CNTLN: variants seen among roughly 807,000 people sequenced by gnomAD.
CNTLN encodes centlein, centrosomal protein.
In CNTLN, 212 loss-of-function variants were observed where a neutral mutation model predicts 180.0. The observed-to-expected ratio is 1.18, with a 90% CI of 1.05 to 1.32. The LOEUF is 1.32. Ranked by LOEUF, CNTLN falls within the 40% of genes most tolerant of loss-of-function variation. CNTLN has a pLI of 0.00. For synonymous variants in CNTLN, 722 were observed against 563.1 expected, an observed-to-expected ratio of 1.28 and a Z score of -3.99; for missense variants, 2,095 against 1,610.9, an observed-to-expected ratio of 1.30 and a Z score of -5.14.
chr9:17,214,259 A>G (rs1587182742), intron 2 of CNTLN, among the ~76,000 whole-genome samples: 1 of 152,118 alleles, frequency 6.6e-6, no homozygotes, highest in Non-Finnish European at 1.5e-5. Flanking sequence ...GGTGGTGACA[A>G]AATCTCTCAG....
chr9:17,469,926 A>G (rs1231958963), intron 23 of CNTLN, among the ~76,000 whole-genome samples: 1 of 151,900 alleles, frequency 6.6e-6, no homozygotes, highest in Admixed American at 6.6e-5. Context: ...ATGGAACATA[A>G]GCGAAGTGAG....
intron 10 of CNTLN, among the ~76,000 whole-genome samples, chr9:17,337,170 T>C (rs1821105341): frequency 6.6e-6 from 1 of 152,188 alleles, no homozygotes; most frequent in African/African-American, 2.4e-5. Flanking sequence ...GTTTTTTTCT[T>C]GTAAATTTGT....
At chr9:17,301,517 C>G in intron 7 of CNTLN, 1 of 984,698 alleles carries the variant, frequency 1.0e-6, no homozygotes, top group Non-Finnish European at 1.2e-6. Flanking sequence ...TATCATTTTT[C>G]TTTTATTTTT....
intron 18 of CNTLN, among the ~76,000 whole-genome samples, chr9:17,421,462 A>G (rs1397594615): frequency 6.6e-6 from 1 of 151,906 alleles, no homozygotes; most frequent in Admixed American, 6.6e-5. Context: ...GTGCATCTTT[A>G]TAGGTGAAAT....
At chr9:17,329,531 A>G (rs568892930) in intron 8 of CNTLN, among the ~76,000 whole-genome samples, 1 of 152,220 alleles carries the variant, frequency 6.6e-6, no homozygotes, top group East Asian at 1.9e-4. Flanking sequence ...ATCATATGGT[A>G]GAATAAAGGT....
chr9:17,507,869 T>C (rs1182850558), downstream of CNTLN, among the ~76,000 whole-genome samples: 1 of 152,218 alleles, frequency 6.6e-6, no homozygotes, highest in Non-Finnish European at 1.5e-5. Flanking sequence ...AGTTTTGACA[T>C]CAGCTCCTTC....
chr9:17,160,332 G>C (rs1472450045), intron 2 of CNTLN, among the ~76,000 whole-genome samples: 1 of 151,880 alleles, frequency 6.6e-6, no homozygotes, highest in Non-Finnish European at 1.5e-5. Context: ...ATGTCCTATG[G>C]TGCCCTTCAA....
intron 7 of CNTLN, chr9:17,300,694 A>C (rs1563974926): frequency 6.6e-6 from 1 of 152,106 alleles, no homozygotes; most frequent in Non-Finnish European, 1.5e-5. Flanking sequence ...GTGGTTTCCC[A>C]GACCATTAAA....
chr9:17,384,513 AC>A, intron 13 of CNTLN, among the ~76,000 whole-genome samples: 1 of 152,128 alleles, frequency 6.6e-6, no homozygotes, highest in Non-Finnish European at 1.5e-5. Context: ...GCCAAGTGTA[AC>A]AGTCATATCA....
Position 17,309,157 on chromosome 9 carries a change from G to T in CNTLN, c.1246G>T (p.Glu416Ter). 1 of 1,610,578 alleles carries T rather than the reference G, an allele frequency of 6.2e-7. No individual in the cohort carries two copies. The highest frequency in any genetic ancestry group is 1.7e-5 in the Admixed American group (1 of 59,774). ...TCTTCAGGATCAGCTATTACAAAAA[G>T]AGCAAGAAAATGCTAAGTTAAAAGA... ...TNLQDQLLQKEQENAKLKEKL... is the reference protein window; with the variant it reads ...TNLQDQLLQK The change falls in exon 8 of 26, where the codon GAG (glutamate) becomes TAG (stop). Residue 416 changes from glutamate to a stop codon, truncating the protein, a stop_gained. Coordinates refer to ENST00000380647, the MANE Select transcript of CNTLN (RefSeq NM_017738.4). LOFTEE classifies it high-confidence loss of function.
intron 2 of CNTLN, 90 bp downstream of exon 2, chr9:17,143,466 T>C (rs1818244268): frequency 1.1e-6 from 1 of 890,242 alleles, no homozygotes; most frequent in Non-Finnish European, 1.8e-6. Flanking sequence ...ATTAATCTCC[T>C]AAAGAGATTC....
chr9:17,299,089 A>G (rs1034755153), intron 7 of CNTLN: 2 of 290,010 alleles, frequency 6.9e-6, no homozygotes, highest in African/African-American at 2.3e-5. Context: ...TAAAAATACA[A>G]AAAGTTAGCT....
At chr9:17,423,976 G>C (rs1354755701) in intron 18 of CNTLN, among the ~76,000 whole-genome samples, 1 of 152,070 alleles carries the variant, frequency 6.6e-6, no homozygotes, top group Non-Finnish European at 1.5e-5. Context: ...TTTTAACCTG[G>C]TTTGCCTGAT....
At chr9:17,191,471 A>C (rs1222530077) in intron 2 of CNTLN, among the ~76,000 whole-genome samples, 1 of 152,206 alleles carries the variant, frequency 6.6e-6, no homozygotes, top group Admixed American at 6.5e-5. Flanking sequence ...CTTGACACAC[A>C]TTCTGGGTAC....
At chr9:17,304,646 C>T (rs1818584813) in intron 7 of CNTLN, among the ~76,000 whole-genome samples, 3 of 152,028 alleles carry the variant, frequency 2.0e-5, no homozygotes, top group Non-Finnish European at 4.4e-5. Flanking sequence ...ACTCTGTATC[C>T]ATAGGGCATA....
At position 17,497,773 on chromosome 9, in the gene CNTLN, A is replaced by T. The variant is rs188626669; in HGVS notation, c.4120-4778A>T. On this transcript the variant is annotated intron_variant, in intron 25 of 25. Transcript: ENST00000380647. ...CAAAATTCAGTGCCAAATTTAAATTATAAATACATTGTTCTTTCTGATAGC... is the reference window on the plus strand; with the variant it reads ...CAAAATTCAGTGCCAAATTTAAATTTTAAATACATTGTTCTTTCTGATAGC... 2.4e-3 allele frequency among the ~76,000 whole-genome samples: 369 copies of T among 152,324 alleles called. 3 individuals are homozygous for T. Among genetic ancestry groups the T allele is most frequent in the African/African-American group, 8.5e-3 (355 of 41,570 alleles).
chr9:17,157,732 A>C lies in CNTLN; in HGVS notation c.449+14356A>C, dbSNP rs115700101. Among the ~76,000 whole-genome samples the C allele has an allele frequency of 3.7e-3, 566 of 152,336 alleles. 1 individual carries two copies. Among genetic ancestry groups the C allele is most frequent in the African/African-American group, 0.013 (548 of 41,586 alleles). On this transcript the variant is annotated intron_variant, in intron 2 of 25. Coordinates refer to ENST00000380647, the MANE Select transcript of CNTLN (RefSeq NM_017738.4). ...CTATGATAATATGTCTTTGCCAAGC[A>C]TGCCAGACATGTATGTCATATTTTT...
intron 6 of CNTLN, 71 bp downstream of exon 6, chr9:17,273,937 C>T (rs62558323): frequency 9.0e-7 from 1 of 1,116,316 alleles, no homozygotes; most frequent in Non-Finnish European, 1.3e-6. Context: ...ACCATTTATA[C>T]TTATTACTAA....
intron 6 of CNTLN, among the ~76,000 whole-genome samples, chr9:17,293,861 C>T (rs578095022): frequency 6.6e-6 from 1 of 152,164 alleles, no homozygotes; most frequent in African/African-American, 2.4e-5. Flanking sequence ...GCCCTGGTGG[C>T]ATGGGCTCAT....
Sources: gnomAD v4.1 joint callset for allele counts (sites outside exome capture counted in the v4.1 genomes callset) on GRCh38, gnomAD v4.1.1 for gene constraint, MANE v1.5 for transcripts, NCBI Gene and HGNC (gene_info 2026-07-23, HGNC 2026-07-21) for gene names.